Variants in CCDC73 observed in about 807,000 individuals in gnomAD.
CCDC73 encodes coiled-coil domain-containing protein 73.
In CCDC73, 95 loss-of-function variants were observed where a neutral mutation model predicts 116.5. That is an observed-to-expected ratio of 0.82 (90% CI 0.69 to 0.97). The LOEUF (loss-of-function observed/expected upper bound fraction) is 0.97. CCDC73 is among the 50% of genes least tolerant of loss of function. The pLI is 0.00. For missense variants in CCDC73, 1,066 were observed against 1,206.8 expected (o/e 0.88, Z 1.73); for synonymous variants, 398 against 401.3 (o/e 0.99, Z 0.10).
intron 9 of CCDC73, among the ~76,000 whole-genome samples, chr11:32,663,927 A>G (rs1855954803): frequency 6.6e-6 from 1 of 152,142 alleles, no homozygotes; most frequent in Admixed American, 6.5e-5. Flanking sequence ...TTGTGCATCT[A>G]TTGAGATAAT....
intron 1 of CCDC73, among the ~76,000 whole-genome samples, chr11:32,780,309 C>T (rs1334063892): frequency 6.6e-6 from 1 of 151,528 alleles, no homozygotes; most frequent in African/African-American, 2.4e-5. Flanking sequence ...AATAAAATAA[C>T]ATATTTACCT....
intron 3 of CCDC73, among the ~76,000 whole-genome samples, chr11:32,708,928 G>C (rs1849876655): frequency 6.6e-6 from 1 of 152,068 alleles, no homozygotes; most frequent in Non-Finnish European, 1.5e-5. Flanking sequence ...GCTCTGGCTA[G>C]GACTTCTAGT....
chr11:32,720,888 A>G (rs560371031), intron 2 of CCDC73, among the ~76,000 whole-genome samples: 8 of 152,350 alleles, frequency 5.3e-5, no homozygotes, highest in African/African-American at 1.7e-4. Context: ...TAAGGTTTCA[A>G]TTATACAGGT....
intron 2 of CCDC73, among the ~76,000 whole-genome samples, chr11:32,741,501 C>T (rs996846855): frequency 2.0e-5 from 3 of 152,004 alleles, no homozygotes; most frequent in Non-Finnish European, 2.9e-5. Context: ...TATAGCTACT[C>T]CTGCTCTTTT....
chr11:32,735,105 G>A (rs113034240), intron 2 of CCDC73, among the ~76,000 whole-genome samples: 4,423 of 152,236 alleles, frequency 0.029, 81 homozygotes, highest in Non-Finnish European at 0.039. Context: ...TTTGACAACT[G>A]GCACAAGACA....
At chr11:32,803,502 G>T in the CCDC73 span, among the ~76,000 whole-genome samples, 1 of 152,102 alleles carries the variant, frequency 6.6e-6, no homozygotes, top group Admixed American at 6.5e-5. Flanking sequence ...TTAGTTCATA[G>T]GATTCAATTA....
At chr11:32,641,117 T>A (rs1425432037) in intron 13 of CCDC73, among the ~76,000 whole-genome samples, 1 of 152,186 alleles carries the variant, frequency 6.6e-6, no homozygotes, top group East Asian at 1.9e-4. Flanking sequence ...CAAAATAATC[T>A]ACAGAAAATA....
rs117371196 is a variant in CCDC73 at position 32,752,916 on chromosome 11, C to T, written c.135+7193G>A. On this transcript the variant is annotated intron_variant, in intron 2 of 17. Transcript: ENST00000335185. ...CTGCTGGGATTAAGTGATCCTCCTG[C>T]CTCAGCCTCCTGCCCAGGTAGCTAG... Among the ~76,000 whole-genome samples, 248 of 152,294 alleles carry T rather than the reference C, an allele frequency of 1.6e-3. No homozygotes were observed. The East Asian group carries it at 0.039, about 24-fold the overall frequency.
chr11:32,729,221 C>T (rs1850054958), intron 2 of CCDC73, among the ~76,000 whole-genome samples: 1 of 152,154 alleles, frequency 6.6e-6, no homozygotes, highest in African/African-American at 2.4e-5. Flanking sequence ...CACCATGTGT[C>T]CATGTGTTTG....
chr11:32,760,356 C>T lies in CCDC73; in HGVS notation c.-15-98G>A, dbSNP rs1850381919. 7.3e-6 allele frequency: 5 copies of T among 680,802 alleles called. No homozygotes were observed. In the South Asian group the frequency reaches 1.1e-4, roughly 14 times the overall value. 42.2% of individuals were successfully genotyped at this position (680,802 alleles called of 1,614,324 possible). On this transcript the variant is annotated intron_variant, in intron 1 of 17. Transcript: ENST00000335185. Reference sequence around the variant, plus strand: ...AATATAACAACCTGTATCCCATAATCCTCCAATTTCAGCACTGAATAACAG... The same window carrying T: ...AATATAACAACCTGTATCCCATAATTCTCCAATTTCAGCACTGAATAACAG...
At chr11:32,662,893 G>C (rs994290900) in intron 9 of CCDC73, among the ~76,000 whole-genome samples, 1 of 152,116 alleles carries the variant, frequency 6.6e-6, no homozygotes, top group African/African-American at 2.4e-5. Flanking sequence ...TCCAGTTTCA[G>C]CTTTCTACAT....
chr11:32,695,963 T>C (rs1444307085), intron 6 of CCDC73, among the ~76,000 whole-genome samples: 1 of 152,094 alleles, frequency 6.6e-6, no homozygotes, highest in Non-Finnish European at 1.5e-5. Flanking sequence ...TAAAATTTTA[T>C]TTTTAATTTT....
At chr11:32,726,749 G>C (rs4756183) in intron 2 of CCDC73, among the ~76,000 whole-genome samples, 89,616 of 151,826 alleles carry the variant, frequency 0.59, 26,756 homozygotes, top group East Asian at 0.84. Flanking sequence ...ACTATATTAT[G>C]TGATACAATA....
intron 2 of CCDC73, among the ~76,000 whole-genome samples, chr11:32,759,193 T>C (rs1033489642): frequency 2.0e-5 from 3 of 151,984 alleles, no homozygotes; most frequent in Non-Finnish European, 1.5e-5. Flanking sequence ...TGGTTTTTTT[T>C]CTCTCGAGAA....
rs146864441 is a variant in CCDC73, at chr11:32,763,266, G to A, written c.-15-3008C>T. On this transcript the variant is annotated intron_variant, in intron 1 of 17. Transcript: ENST00000335185. ...AGAGAGTAGTGGTTCTCCTAGCACA[G>A]AGTTTGAGATCTGAGAACGGACAGA... 7.2e-3 allele frequency among the ~76,000 whole-genome samples: 1,098 copies of A among 152,314 alleles called. 16 individuals carry two copies. The highest frequency in any genetic ancestry group is 0.025 in the African/African-American group (1,058 of 41,570).
Position 32,613,986 on chromosome 11 carries a change from GA to G in CCDC73, c.2331del (p.His778IlefsTer15), listed in dbSNP as rs1855447454. On this transcript the variant is annotated frameshift_variant, in exon 16 of 18. Transcript: ENST00000335185. LOFTEE classifies it high-confidence loss of function. ...LENTNVNISH[L>X]HLNNENSHAS... is the part of the protein sequence containing the mutation. ...GCATGACTATTCTCATTGTTAAGAT[GA>G]AGATGGGAAATGTTCACATTAGTGT... 6.2e-7 allele frequency: 1 copy of G among 1,610,936 alleles called. No individual in the cohort carries two copies. The highest frequency in any genetic ancestry group is 2.2e-5 in the East Asian group (1 of 44,846).
chr11:32,729,648 G>GT (rs1850058475), intron 2 of CCDC73, among the ~76,000 whole-genome samples: 1 of 152,156 alleles, frequency 6.6e-6, no homozygotes, highest in Non-Finnish European at 1.5e-5. Flanking sequence ...CACAAACAGT[G>GT]TAAAAGCATT....
At chr11:32,653,881 G>A (rs1257807364) in intron 11 of CCDC73, 97 bp downstream of exon 11, 17 of 1,321,482 alleles carry the variant, frequency 1.3e-5, no homozygotes, top group Non-Finnish European at 1.6e-5. Flanking sequence ...CATTAACTGA[G>A]TGCCTACTAT....
chr11:32,607,343 C>T (rs1384065554), intron 17 of CCDC73, among the ~76,000 whole-genome samples: 5 of 151,098 alleles, frequency 3.3e-5, no homozygotes, highest in East Asian at 2.0e-4. Flanking sequence ...CCGCCCGCCT[C>T]GGCCTCCCAA....
Sources: gnomAD v4.1 joint callset for allele counts (sites outside exome capture counted in the v4.1 genomes callset) on GRCh38, gnomAD v4.1.1 for gene constraint, MANE v1.5 for transcripts, NCBI Gene and HGNC (gene_info 2026-07-23, HGNC 2026-07-21) for gene names.